CBX5: variants seen among roughly 807,000 people sequenced by gnomAD.
CBX5 encodes chromobox 5, also known as chromobox protein homolog 5.
A neutral mutation model predicts 20.7 loss-of-function variants in CBX5; 7 were observed. The observed-to-expected ratio is 0.34, with a 90% CI of 0.19 to 0.63. CBX5 has a LOEUF of 0.63. Among genes scored for constraint, CBX5 ranks in the 30% least tolerant of loss-of-function variants. The probability of loss-of-function intolerance (pLI) is 0.75; values close to 1 mark genes in which losing one functional copy is unlikely to be tolerated. For synonymous variants in CBX5, 78 were observed against 77.0 expected (o/e 1.01, Z -0.07); for missense variants, 110 against 224.1 (o/e 0.49, Z 3.25).
intron 1 of CBX5, chr12:54,273,694 A>G (rs1944032398): frequency 6.6e-6 from 1 of 152,210 alleles, no homozygotes; most frequent in Non-Finnish European, 1.5e-5. Flanking sequence ...AGGAATGCTG[A>G]CCATAATCAG....
At chr12:54,260,167 A>G (rs1430475727) in intron 1 of CBX5, among the ~76,000 whole-genome samples, 1 of 151,718 alleles carries the variant, frequency 6.6e-6, no homozygotes, top group African/African-American at 2.4e-5. Flanking sequence ...AACCAAAAAA[A>G]AAAAAAAAAA....
At chr12:54,266,739 G>A (rs1234271874) in intron 1 of CBX5, among the ~76,000 whole-genome samples, 1 of 152,082 alleles carries the variant, frequency 6.6e-6, no homozygotes, top group Non-Finnish European at 1.5e-5. Flanking sequence ...GGTGTATTTA[G>A]CAATAACACA....
In CBX5 at chr12:54,254,572, G is replaced by A. The variant is rs73321048; in HGVS notation, c.138-2345C>T. On this transcript the variant is annotated intron_variant, in intron 2 of 4. Transcript: ENST00000209875. ...CTCTCAGCAGAAAAAAAATTCCTCGGCCGGGCACGGTGGCTCAAGTCTCTA... is the reference window on the plus strand; with the variant it reads ...CTCTCAGCAGAAAAAAAATTCCTCGACCGGGCACGGTGGCTCAAGTCTCTA... Among the ~76,000 whole-genome samples the A allele has an allele frequency of 2.2e-3, 334 of 152,020 alleles. 2 individuals are homozygous for A. The highest frequency in any genetic ancestry group is 7.8e-3 in the African/African-American group (323 of 41,464).
In CBX5 at chr12:54,237,987, C is replaced by G. The variant is rs1943640263; in HGVS notation, c.*3768G>C. 1 of 152,224 alleles carries G rather than the reference C, an allele frequency of 6.6e-6. No individual in the cohort carries two copies. Among genetic ancestry groups the G allele is most frequent in the Non-Finnish European group, 1.5e-5 (1 of 68,066 alleles). The allele number at this position is 152,224 out of a possible 1,614,324, so 9.4% of individuals were successfully genotyped here. ...TGGGCAGATCACAAGGTCAGGAAAT[C>G]GAGACCATCCTGGCAAACATGGTAA... is the stretch of plus-strand genomic sequence containing the variant. On this transcript the variant is annotated 3_prime_UTR_variant, in exon 5 of 5. Coordinates refer to ENST00000209875, the MANE Select transcript of CBX5 (RefSeq NM_012117.3).
At chr12:54,245,235 T>A (rs1054437660) in intron 4 of CBX5, among the ~76,000 whole-genome samples, 2 of 151,976 alleles carry the variant, frequency 1.3e-5, no homozygotes, top group African/African-American at 4.8e-5. Context: ...AGCCTCGAAC[T>A]CCTGACCCCA....
intron 3 of CBX5, among the ~76,000 whole-genome samples, chr12:54,247,779 T>C (rs537281159): frequency 6.6e-6 from 1 of 152,130 alleles, no homozygotes; most frequent in East Asian, 1.9e-4. Context: ...GTTCAAGTGA[T>C]TCTCCTGCCT....
intron 3 of CBX5, among the ~76,000 whole-genome samples, chr12:54,247,718 G>A (rs377329146): frequency 2.6e-4 from 39 of 152,070 alleles, no homozygotes; most frequent in African/African-American, 8.9e-4. Flanking sequence ...CTGTTGCCTA[G>A]GTTAAAGTGC....
intron 4 of CBX5, among the ~76,000 whole-genome samples, chr12:54,242,375 A>G (rs890660233): frequency 3.3e-5 from 5 of 152,032 alleles, no homozygotes; most frequent in African/African-American, 7.2e-5. Context: ...AGTACAAAAA[A>G]TTAGCCGGGC....
chr12:54,279,411 G>A (rs1592167857), intron 1 of CBX5, among the ~76,000 whole-genome samples: 2 of 152,280 alleles, frequency 1.3e-5, no homozygotes, highest in African/African-American at 4.8e-5. Context: ...GGAGGTGTAT[G>A]GGACTGAGGC....
intron 1 of CBX5, chr12:54,273,539 G>C (rs2137032331): frequency 6.6e-6 from 1 of 152,236 alleles, no homozygotes; most frequent in East Asian, 1.9e-4. Flanking sequence ...TTAAAAGATA[G>C]GATTGGAGAA....
chr12:54,259,172 T>A (rs1943891095), intron 1 of CBX5: 1 of 152,074 alleles, frequency 6.6e-6, no homozygotes, highest in African/African-American at 2.4e-5. Context: ...CAAGAAAATA[T>A]CTTATGTGCT....
chr12:54,246,799 A>C (rs1281076514), intron 3 of CBX5, among the ~76,000 whole-genome samples: 1 of 151,508 alleles, frequency 6.6e-6, no homozygotes, highest in African/African-American at 2.4e-5. Context: ...AAAAAAAAAA[A>C]AGAAAAGGGG....
intron 1 of CBX5, among the ~76,000 whole-genome samples, chr12:54,271,512 C>T (rs1301235528): frequency 6.6e-6 from 1 of 152,118 alleles, no homozygotes; most frequent in Admixed American, 6.6e-5. Context: ...TTTTAGTAGA[C>T]AGGGTTTCAC....
rs1368792417 is a variant in CBX5, at chr12:54,241,817, G to A, written c.514C>T (p.Leu172=). Residue 172 remains leucine, a synonymous_variant, in exon 5 of 5, where the codon CTG becomes TTG. Transcript: ENST00000209875. The stretch of plus-strand genomic sequence containing the variant: ...TCCTCAGGATATGCATGCCATGTCA[G>A]TCTCTCTTCATAAAATGCTATCACA... ...QIVIAFYEER[L]TWHAYPEDAE... The A allele has an allele frequency of 3.1e-6, 5 of 1,613,654 alleles. No homozygotes were observed. Among genetic ancestry groups the A allele is most frequent in the Non-Finnish European group, 3.4e-6 (4 of 1,179,898 alleles).
At chr12:54,261,634 T>A (rs1462862230) in intron 1 of CBX5, among the ~76,000 whole-genome samples, 2 of 152,186 alleles carry the variant, frequency 1.3e-5, no homozygotes, top group Non-Finnish European at 2.9e-5. Context: ...CAGATTTGAA[T>A]GGACCATCAG....
At chr12:54,267,750 C>T (rs1303103743) in intron 1 of CBX5, among the ~76,000 whole-genome samples, 3 of 152,124 alleles carry the variant, frequency 2.0e-5, no homozygotes, top group Non-Finnish European at 4.4e-5. Context: ...CTCCTGACCT[C>T]GTGTTGTGAT....
At chr12:54,274,109 T>C (rs1443568431) in intron 1 of CBX5, 3 of 152,248 alleles carry the variant, frequency 2.0e-5, no homozygotes, top group African/African-American at 7.2e-5. Context: ...GTGTAGGTTT[T>C]TCTGCAAACA....
intron 1 of CBX5, among the ~76,000 whole-genome samples, chr12:54,275,990 CAAAAAAA>C (rs55963261): frequency 2.2e-5 from 2 of 90,728 alleles, no homozygotes; most frequent in African/African-American, 4.5e-5. Context: ...GACTCCATTC[CAAAAAAA>C]AAAAAAAAAA....
intron 2 of CBX5, 34 bp downstream of exon 2, chr12:54,257,480 G>T (rs1271931341): frequency 5.0e-6 from 8 of 1,612,348 alleles, no homozygotes; most frequent in Non-Finnish European, 5.9e-6. Context: ...TATCTCTACA[G>T]AGTCCCAACG....
Sources: allele counts gnomAD v4.1 joint callset (sites outside exome capture counted in the v4.1 genomes callset), GRCh38; gene constraint gnomAD v4.1.1; transcripts MANE v1.5; gene names NCBI Gene and HGNC (gene_info 2026-07-23, HGNC 2026-07-21).